ARK2C: variants seen among roughly 807,000 people sequenced by gnomAD.
The protein encoded by ARK2C is arkadia (RNF111) C-terminal like ring finger ubiquitin ligase 2C, also known as E3 ubiquitin-protein ligase ARK2C.
At chr18:46,413,535 T>C in the ARK2C span, among the ~76,000 whole-genome samples, 1 of 151,966 alleles carries the variant, frequency 6.6e-6, no homozygotes, top group Non-Finnish European at 1.5e-5. Context: ...GGATAGCAAG[T>C]TGTTTACTTT....
At chr18:46,419,054 T>C in the ARK2C span, among the ~76,000 whole-genome samples, 1 of 152,212 alleles carries the variant, frequency 6.6e-6, no homozygotes, top group Non-Finnish European at 1.5e-5. Flanking sequence ...GGGAACGCTA[T>C]TACTGGACCA....
chr18:46,388,541 A>C, the ARK2C span, among the ~76,000 whole-genome samples: 1 of 152,134 alleles, frequency 6.6e-6, no homozygotes, highest in Non-Finnish European at 1.5e-5. Flanking sequence ...CACCTTGGCC[A>C]TGATCAAGGG....
the ARK2C span, among the ~76,000 whole-genome samples, chr18:46,406,382 GCCGGGGCTGGCCAGCTGGAAT>G: frequency 1.3e-5 from 2 of 152,232 alleles, no homozygotes; most frequent in Admixed American, 1.3e-4. Context: ...GTGGGTGCTG[GCCGGGGCTGGCCAGCTGGAAT>G]CCAGCCTCTG....
chr18:46,432,481 G>C, the ARK2C span, among the ~76,000 whole-genome samples: 2 of 152,222 alleles, frequency 1.3e-5, no homozygotes, highest in African/African-American at 2.4e-5. Flanking sequence ...GGCTGGCCAG[G>C]CTTCAGTGAA....
At chr18:46,383,716 G>A in the ARK2C span, among the ~76,000 whole-genome samples, 1 of 152,030 alleles carries the variant, frequency 6.6e-6, no homozygotes, top group South Asian at 2.1e-4. Context: ...CACCGCGCCC[G>A]GCTAATTTTT....
At chr18:46,462,498 T>A in the ARK2C span, 1 of 152,378 alleles carries the variant, frequency 6.6e-6, no homozygotes, top group Non-Finnish European at 1.5e-5. Flanking sequence ...CTGTGTATGG[T>A]CCCTAAAGCC....
chr18:46,388,016 C>A, the ARK2C span, among the ~76,000 whole-genome samples: 2 of 152,178 alleles, frequency 1.3e-5, no homozygotes, highest in South Asian at 2.1e-4. Context: ...CTGGCACTTG[C>A]GTTCCAAGCA....
chr18:46,393,641 C>T, the ARK2C span, among the ~76,000 whole-genome samples: 4 of 152,310 alleles, frequency 2.6e-5, no homozygotes, highest in African/African-American at 9.6e-5. Context: ...ACCCCCAGTT[C>T]TTCTCAAACC....
the ARK2C span, among the ~76,000 whole-genome samples, chr18:46,400,080 G>A: frequency 1.3e-5 from 2 of 152,194 alleles, no homozygotes; most frequent in Non-Finnish European, 2.9e-5. Context: ...GGACCCCCAC[G>A]GTACCTCTTA....
chr18:46,342,429 G>A, the ARK2C span, among the ~76,000 whole-genome samples: 1 of 152,206 alleles, frequency 6.6e-6, no homozygotes, highest in African/African-American at 2.4e-5. Context: ...GCCAAGCTTC[G>A]AGGGGGTCTA....
the ARK2C span, among the ~76,000 whole-genome samples, chr18:46,379,437 C>A: frequency 1.3e-5 from 2 of 152,186 alleles, no homozygotes; most frequent in Admixed American, 1.3e-4. Flanking sequence ...CCCTCACACC[C>A]ACCTTCCCTC....
chr18:46,438,900 G>T, the ARK2C span, among the ~76,000 whole-genome samples: 1 of 152,232 alleles, frequency 6.6e-6, no homozygotes, highest in Non-Finnish European at 1.5e-5. Flanking sequence ...ACCATGAGGA[G>T]CTACTGTTAT....
the ARK2C span, among the ~76,000 whole-genome samples, chr18:46,433,833 G>A: frequency 6.6e-6 from 1 of 152,206 alleles, no homozygotes; most frequent in African/African-American, 2.4e-5. Flanking sequence ...GGTGGTCCAC[G>A]ATCCTCACAG....
the ARK2C span, among the ~76,000 whole-genome samples, chr18:46,354,168 C>T: frequency 3.9e-5 from 6 of 152,190 alleles, no homozygotes; most frequent in African/African-American, 1.2e-4. Context: ...CTATGTCCAG[C>T]GAAGGCCCAG....
chr18:46,391,138 C>T, the ARK2C span, among the ~76,000 whole-genome samples: 6 of 152,180 alleles, frequency 3.9e-5, no homozygotes, highest in African/African-American at 1.4e-4. Context: ...CAATCGCCTC[C>T]ATAAACAGGG....
the ARK2C span, among the ~76,000 whole-genome samples, chr18:46,423,335 C>A: frequency 6.6e-6 from 1 of 152,202 alleles, no homozygotes. Flanking sequence ...TTGTGCTCAC[C>A]TCAGCCATTC....
chr18:46,432,920 G>A, the ARK2C span, among the ~76,000 whole-genome samples: 2 of 152,162 alleles, frequency 1.3e-5, no homozygotes. Flanking sequence ...ACTCCAGCCT[G>A]GGCGACAGAG....
At chr18:46,410,398 C>T in the ARK2C span, among the ~76,000 whole-genome samples, 2 of 152,206 alleles carry the variant, frequency 1.3e-5, no homozygotes, top group African/African-American at 2.4e-5. Context: ...ACCTGGCTTC[C>T]CACAGTTAAG....
chr18:46,376,372 C>T, the ARK2C span, among the ~76,000 whole-genome samples: 2 of 152,374 alleles, frequency 1.3e-5, no homozygotes, highest in Admixed American at 1.3e-4. Context: ...AGACAACAGT[C>T]AGGATGTGGT....
Sources: gnomAD v4.1 joint callset for allele counts (sites outside exome capture counted in the v4.1 genomes callset) on GRCh38, gnomAD v4.1.1 for gene constraint, MANE v1.5 for transcripts, NCBI Gene and HGNC (gene_info 2026-07-23, HGNC 2026-07-21) for gene names.